Variants in SLCO3A1 observed in about 807,000 individuals in gnomAD.
SLCO3A1 encodes solute carrier organic anion transporter family member 3A1.
SLCO3A1 carries 27 observed loss-of-function variants against 63.1 expected under a neutral mutation model. The observed-to-expected ratio is 0.43, with a 90% CI of 0.32 to 0.59. SLCO3A1 has a LOEUF of 0.59. Among genes scored for constraint, SLCO3A1 ranks in the 20% least tolerant of loss-of-function variants. The pLI, the probability that SLCO3A1 is intolerant of heterozygous loss-of-function variation, is 0.09. For missense variants in SLCO3A1, 773 were observed against 945.8 expected, an observed-to-expected ratio of 0.82 and a Z score of 2.40; for synonymous variants, 473 against 409.9, an observed-to-expected ratio of 1.15 and a Z score of -1.86.
intron 1 of SLCO3A1, among the ~76,000 whole-genome samples, chr15:91,910,077 A>G (rs1245068797): frequency 6.6e-6 from 1 of 152,142 alleles, no homozygotes. Flanking sequence ...TTTTTATCTC[A>G]GACGACTACT....
At chr15:92,117,518 A>T (rs1176696110) in intron 4 of SLCO3A1, among the ~76,000 whole-genome samples, 9 of 152,228 alleles carry the variant, frequency 5.9e-5, no homozygotes. Context: ...TCTTTATTCC[A>T]AAAGAGCACT....
rs1899632118 is a variant in SLCO3A1, at chr15:91,941,782, C to T, written c.646+25324C>T. On this transcript the variant is annotated intron_variant, in intron 2 of 9. Transcript: ENST00000318445. This position sits in a 1 kb window ranked among gnomAD's most constrained non-coding sequence, Gnocchi z 4.4. Reference sequence around the variant, plus strand: ...CTGTGTGCAACTTCATCTGAGAGCGCTCAGGCTTCCCTCTCTCCTCTGCCC... The same window carrying T: ...CTGTGTGCAACTTCATCTGAGAGCGTTCAGGCTTCCCTCTCTCCTCTGCCC... Among the ~76,000 whole-genome samples the T allele has an allele frequency of 6.6e-6, 1 of 152,192 alleles. No individual in the cohort carries two copies. The highest frequency in any genetic ancestry group is 1.5e-5 in the Non-Finnish European group (1 of 68,032).
intron 2 of SLCO3A1, among the ~76,000 whole-genome samples, chr15:92,008,587 T>TA (rs2046337312): frequency 6.6e-6 from 1 of 152,232 alleles, no homozygotes. Flanking sequence ...GATTCATTTT[T>TA]ACAGGTTTTG....
intron 2 of SLCO3A1, among the ~76,000 whole-genome samples, chr15:91,939,385 G>A (rs1899535409): frequency 6.6e-6 from 1 of 152,136 alleles, no homozygotes; most frequent in South Asian, 2.1e-4. Flanking sequence ...TTCCAACATT[G>A]TGGATTGCAA....
intron 2 of SLCO3A1, among the ~76,000 whole-genome samples, chr15:92,059,575 C>T (rs1356807931): frequency 6.6e-6 from 1 of 152,222 alleles, no homozygotes; most frequent in Non-Finnish European, 1.5e-5. Flanking sequence ...ACCGTGAGCT[C>T]TGTGCCCCCG....
chr15:92,131,745 C>T (rs2047999977), intron 7 of SLCO3A1, among the ~76,000 whole-genome samples: 1 of 145,700 alleles, frequency 6.9e-6, no homozygotes, highest in African/African-American at 2.5e-5. Flanking sequence ...TGTTGTTTCT[C>T]TTATCTGCAG....
intron 2 of SLCO3A1, among the ~76,000 whole-genome samples, chr15:91,940,286 C>T (rs900828498): frequency 5.3e-5 from 8 of 152,210 alleles, no homozygotes; most frequent in Non-Finnish European, 7.4e-5. Flanking sequence ...TTCTGATACA[C>T]GTGCAATCCA....
chr15:92,164,171 T>C lies in SLCO3A1; in HGVS notation c.*1036T>C, dbSNP rs1351502010. On this transcript the variant is annotated 3_prime_UTR_variant, in exon 10 of 10. Coordinates refer to ENST00000318445, the MANE Select transcript of SLCO3A1 (RefSeq NM_013272.4). ...GTTCTCTAGGCCGGATTTATTATGC[T>C]GGTTGCTTTTACTTTTTTTCTCCTT... The C allele has an allele frequency of 1.0e-6, 1 of 985,346 alleles. No homozygotes were observed. Among genetic ancestry groups the C allele is most frequent in the African/African-American group, 1.7e-5 (1 of 57,376 alleles). The allele number at this position is 985,346 out of a possible 1,614,324, so 61.0% of individuals were successfully genotyped here.
rs943040794 is a variant in SLCO3A1 at position 91,856,007 on chromosome 15, G to T, written c.180+1919G>T. On this transcript the variant is annotated intron_variant, in intron 1 of 9. Coordinates refer to ENST00000318445, the MANE Select transcript of SLCO3A1 (RefSeq NM_013272.4). This position sits in a 1 kb window ranked among gnomAD's most constrained non-coding sequence, Gnocchi z 4.9. Reference sequence around the variant, plus strand: ...GGATTTGACAAATAAATGAAGCTGGGCTGCAACTAGATGAATGGCCTAGCT... The same window carrying T: ...GGATTTGACAAATAAATGAAGCTGGTCTGCAACTAGATGAATGGCCTAGCT... Among the ~76,000 whole-genome samples, 3 of 152,030 alleles carry T rather than the reference G, an allele frequency of 2.0e-5. No individual in the cohort carries two copies. The highest frequency in any genetic ancestry group is 7.3e-5 in the African/African-American group (3 of 41,352).
At chr15:91,977,628 G>T (rs1014736576) in intron 2 of SLCO3A1, among the ~76,000 whole-genome samples, 2 of 152,172 alleles carry the variant, frequency 1.3e-5, no homozygotes, top group East Asian at 3.8e-4. Flanking sequence ...TGGGAGGTGG[G>T]TGAGGGATAA....
intron 2 of SLCO3A1, among the ~76,000 whole-genome samples, chr15:92,008,207 G>C (rs1438776669): frequency 6.6e-6 from 1 of 152,128 alleles, no homozygotes; most frequent in Non-Finnish European, 1.5e-5. Context: ...TATATTTCTT[G>C]AAATGGCTTC....
At chr15:91,963,981 T>C (rs1360319234) in intron 2 of SLCO3A1, among the ~76,000 whole-genome samples, 1 of 152,130 alleles carries the variant, frequency 6.6e-6, no homozygotes, top group Admixed American at 6.5e-5. Context: ...TGGTCCATTT[T>C]ACAAAGTGCT....
chr15:91,865,244 T>C lies in SLCO3A1; in HGVS notation c.180+11156T>C, dbSNP rs1273264436. On this transcript the variant is annotated intron_variant, in intron 1 of 9. Transcript: ENST00000318445. This position sits in a 1 kb window ranked among gnomAD's most constrained non-coding sequence, Gnocchi z 4.6. ...GACATTTTATTTAAACTTTTCCTTT[T>C]GTAGAGTTCGTAGGACAGTAGGATT... is the stretch of plus-strand genomic sequence containing the variant. 2.6e-5 allele frequency among the ~76,000 whole-genome samples: 4 copies of C among 152,248 alleles called. No individual in the cohort carries two copies. Among genetic ancestry groups the C allele is most frequent in the Non-Finnish European group, 5.9e-5 (4 of 68,048 alleles).
Position 91,875,414 on chromosome 15 carries a change from A to G in SLCO3A1, c.180+21326A>G, listed in dbSNP as rs1897375385. On this transcript the variant is annotated intron_variant, in intron 1 of 9. Coordinates refer to ENST00000318445, the MANE Select transcript of SLCO3A1 (RefSeq NM_013272.4). The surrounding 1 kb of genome is among the most constrained non-coding windows in gnomAD (Gnocchi z 4.5). ...TCCAGTTTACTCTCTCCACAGGGTAAAAACTGGACTCTGGAGCAAGAGACT... is the reference window on the plus strand; with the variant it reads ...TCCAGTTTACTCTCTCCACAGGGTAGAAACTGGACTCTGGAGCAAGAGACT... Among the ~76,000 whole-genome samples the G allele has an allele frequency of 6.6e-6, 1 of 152,172 alleles. No individual in the cohort carries two copies. The highest frequency in any genetic ancestry group is 6.5e-5 in the Admixed American group (1 of 15,282).
In SLCO3A1 at chr15:91,954,283, G is replaced by A. The variant is rs1202530412; in HGVS notation, c.646+37825G>A. 2.6e-5 allele frequency among the ~76,000 whole-genome samples: 4 copies of A among 152,316 alleles called. No homozygotes were observed. The highest frequency in any genetic ancestry group is 2.1e-4 in the South Asian group (1 of 4,828). ...CCCCTACGTTCTCACTTGTCTCTGA[G>A]CCCTTTGTGAGTTTCTCAGGATAAA... On this transcript the variant is annotated intron_variant, in intron 2 of 9. Coordinates refer to ENST00000318445, the MANE Select transcript of SLCO3A1 (RefSeq NM_013272.4). The surrounding 1 kb of genome is among the most constrained non-coding windows in gnomAD (Gnocchi z 4.7).
intron 4 of SLCO3A1, 130 bp from the exon 5 acceptor site, chr15:92,120,335 G>GT: frequency 1.2e-6 from 1 of 850,334 alleles, no homozygotes; most frequent in Non-Finnish European, 1.8e-6. Flanking sequence ...TAGCAACTGG[G>GT]TACCTCTGGA....
intron 2 of SLCO3A1, among the ~76,000 whole-genome samples, chr15:92,047,012 T>A (rs1439075945): frequency 5.2e-5 from 4 of 77,390 alleles, no homozygotes; most frequent in African/African-American, 1.8e-4. Flanking sequence ...TATATAAATA[T>A]ATATATAATA....
At chr15:91,893,668 C>T (rs778705341) in intron 1 of SLCO3A1, among the ~76,000 whole-genome samples, 3 of 152,144 alleles carry the variant, frequency 2.0e-5, no homozygotes. Flanking sequence ...ACATTCAGAC[C>T]GTACAGTCTT....
intron 2 of SLCO3A1, among the ~76,000 whole-genome samples, chr15:92,025,942 C>T (rs936859238): frequency 6.6e-6 from 1 of 152,188 alleles, no homozygotes; most frequent in Non-Finnish European, 1.5e-5. Flanking sequence ...CTTGTAAAGA[C>T]ATTTTATTGA....
Sources: allele counts gnomAD v4.1 joint callset (sites outside exome capture counted in the v4.1 genomes callset), GRCh38; gene constraint gnomAD v4.1.1; non-coding constraint Gnocchi (gnomAD v3.1); transcripts MANE v1.5; gene names NCBI Gene and HGNC (gene_info 2026-07-23, HGNC 2026-07-21).